Variants in GPC5 observed in about 807,000 individuals in gnomAD.
GPC5 encodes glypican 5.
A neutral mutation model predicts 53.9 loss-of-function variants in GPC5; 47 were observed. The ratio of observed to expected loss-of-function variants is 0.87; its 90% CI spans 0.69 to 1.11. The LOEUF (loss-of-function observed/expected upper bound fraction) is 1.11. GPC5 is among the 50% of genes most tolerant of loss of function. GPC5 has a pLI of 0.00. For missense variants in GPC5, 748 were observed against 713.1 expected (o/e 1.05, Z -0.56); for synonymous variants, 286 against 263.3 (o/e 1.09, Z -0.84).
intron 5 of GPC5, among the ~76,000 whole-genome samples, chr13:91,904,051 C>T (rs1232987193): frequency 6.6e-6 from 1 of 151,582 alleles, no homozygotes; most frequent in Non-Finnish European, 1.5e-5. Context: ...ACCCTGCCAA[C>T]AACAGTTATA....
intron 2 of GPC5, among the ~76,000 whole-genome samples, chr13:91,672,245 G>A (rs958553694): frequency 6.6e-6 from 1 of 152,102 alleles, no homozygotes; most frequent in African/African-American, 2.4e-5. Flanking sequence ...TGAAAAATGG[G>A]ATCTAATTAA....
chr13:92,391,804 T>A (rs1451615915), intron 7 of GPC5, among the ~76,000 whole-genome samples: 1 of 152,084 alleles, frequency 6.6e-6, no homozygotes, highest in Non-Finnish European at 1.5e-5. Context: ...ACACATAGAA[T>A]CCCAGGCTAC....
intron 7 of GPC5, among the ~76,000 whole-genome samples, chr13:92,374,778 C>G (rs1174312536): frequency 1.4e-5 from 2 of 146,202 alleles, no homozygotes; most frequent in African/African-American, 5.1e-5. Flanking sequence ...GGGTGCAGCG[C>G]ACCAGCATGG....
intron 7 of GPC5, among the ~76,000 whole-genome samples, chr13:92,590,285 A>T (rs1255160508): frequency 6.6e-6 from 1 of 152,176 alleles, no homozygotes; most frequent in South Asian, 2.1e-4. Context: ...AGGAGGACAC[A>T]CCGAGAATGA....
intron 1 of GPC5, among the ~76,000 whole-genome samples, chr13:91,430,631 G>A (rs1879378633): frequency 6.6e-6 from 1 of 152,150 alleles, no homozygotes; most frequent in African/African-American, 2.4e-5. Flanking sequence ...TGGAGAGGCG[G>A]AGAGGAAGAA....
intron 7 of GPC5, among the ~76,000 whole-genome samples, chr13:92,297,775 T>C (rs568861128): frequency 6.6e-6 from 1 of 152,124 alleles, no homozygotes; most frequent in East Asian, 1.9e-4. Flanking sequence ...GAGCCAGCAT[T>C]GGCAACCCGC....
At chr13:91,606,722 G>A (rs2033380882) in intron 2 of GPC5, among the ~76,000 whole-genome samples, 1 of 150,814 alleles carries the variant, frequency 6.6e-6, no homozygotes, top group African/African-American at 2.4e-5. Flanking sequence ...ATTTCTTCTA[G>A]ATTTTCTAGT....
At chr13:91,997,316 C>A (rs2040512516) in intron 6 of GPC5, among the ~76,000 whole-genome samples, 1 of 152,244 alleles carries the variant, frequency 6.6e-6, no homozygotes, top group South Asian at 2.1e-4. Flanking sequence ...GGAGCACTTC[C>A]TCACAAGTTT....
intron 7 of GPC5, among the ~76,000 whole-genome samples, chr13:92,713,619 A>G (rs1888226999): frequency 6.6e-6 from 1 of 151,396 alleles, no homozygotes. Context: ...AAAAAAAAAA[A>G]AAAAAGTTCA....
intron 7 of GPC5, among the ~76,000 whole-genome samples, chr13:92,841,953 A>G (rs965926883): frequency 6.6e-6 from 1 of 152,058 alleles, no homozygotes; most frequent in African/African-American, 2.4e-5. Flanking sequence ...TTGATTAGGT[A>G]TATGTTCAGG....
chr13:92,100,649 C>T (rs7337459), intron 6 of GPC5, among the ~76,000 whole-genome samples: 1 of 152,130 alleles, frequency 6.6e-6, no homozygotes, highest in Non-Finnish European at 1.5e-5. Flanking sequence ...TTGGATCACA[C>T]ATTGCTACTT....
intron 7 of GPC5, among the ~76,000 whole-genome samples, chr13:92,827,002 G>T (rs1877871625): frequency 6.6e-6 from 1 of 152,140 alleles, no homozygotes; most frequent in East Asian, 1.9e-4. Flanking sequence ...AGTTAACTTG[G>T]AGGTAAATCC....
intron 7 of GPC5, among the ~76,000 whole-genome samples, chr13:92,243,819 C>T (rs118076149): frequency 1.3e-4 from 20 of 151,788 alleles, no homozygotes; most frequent in African/African-American, 4.4e-4. Flanking sequence ...TAGATCTGTG[C>T]ATGTAAGGAA....
intron 7 of GPC5, among the ~76,000 whole-genome samples, chr13:92,750,740 T>G (rs1470892002): frequency 6.6e-6 from 1 of 152,184 alleles, no homozygotes. Flanking sequence ...TTCAGTTCAT[T>G]CTGAGTTAAG....
At chr13:91,499,706 C>A (rs891773924) in intron 2 of GPC5, among the ~76,000 whole-genome samples, 2 of 152,200 alleles carry the variant, frequency 1.3e-5, no homozygotes, top group Non-Finnish European at 2.9e-5. Flanking sequence ...TTGTCCCATA[C>A]AGTTACTCTT....
intron 7 of GPC5, among the ~76,000 whole-genome samples, chr13:92,557,098 A>AG (rs1344509782): frequency 6.6e-6 from 1 of 150,682 alleles, no homozygotes; most frequent in Non-Finnish European, 1.5e-5. Flanking sequence ...GATCTCTGAG[A>AG]GAAAAAAAAA....
rs1004441122 is a variant in GPC5 at position 92,736,004 on chromosome 13, T to C, written c.1562-130278T>C. 4.6e-5 allele frequency among the ~76,000 whole-genome samples: 7 copies of C among 152,032 alleles called. No homozygotes were observed. The Admixed American group carries it at 4.6e-4, about 10-fold the overall frequency. Reference sequence around the variant, plus strand: ...CTCAATCTTCCCCACCACAGGGAATTACATAACATTATACCCAGTTGTTTA... The same window carrying C: ...CTCAATCTTCCCCACCACAGGGAATCACATAACATTATACCCAGTTGTTTA... On this transcript the variant is annotated intron_variant, in intron 7 of 7. Transcript: ENST00000377067.
intron 7 of GPC5, among the ~76,000 whole-genome samples, chr13:92,598,260 A>G (rs1594334713): frequency 1.3e-5 from 2 of 152,342 alleles, no homozygotes; most frequent in South Asian, 4.1e-4. Flanking sequence ...CAGTCAAGGT[A>G]TGGAATATAA....
chr13:91,685,591 T>C (rs1234874423), intron 2 of GPC5, among the ~76,000 whole-genome samples: 1 of 152,250 alleles, frequency 6.6e-6, no homozygotes, highest in Non-Finnish European at 1.5e-5. Context: ...ATCATTTATA[T>C]ATCTGTTTGC....
Sources: allele counts gnomAD v4.1 joint callset (sites outside exome capture counted in the v4.1 genomes callset), GRCh38; gene constraint gnomAD v4.1.1; transcripts MANE v1.5; gene names NCBI Gene and HGNC (gene_info 2026-07-23, HGNC 2026-07-21).